The following CSRNP2 variants were observed in gnomAD, a reference collection of about 807,000 sequenced individuals.
CSRNP2 encodes the protein cysteine/serine-rich nuclear protein 2.
A neutral mutation model predicts 36.6 loss-of-function variants in CSRNP2; 11 were observed. The ratio of observed to expected loss-of-function variants is 0.30; its 90% CI spans 0.19 to 0.50. CSRNP2 has a LOEUF of 0.50. Ranked by LOEUF, CSRNP2 falls within the 20% of genes least tolerant of loss-of-function variation. The probability of loss-of-function intolerance (pLI) is 0.98; values close to 1 mark genes in which losing one functional copy is unlikely to be tolerated. For synonymous variants in CSRNP2, 248 were observed against 275.3 expected, an observed-to-expected ratio of 0.90 and a Z score of 0.98; for missense variants, 483 against 691.4, an observed-to-expected ratio of 0.70 and a Z score of 3.38.
chr12:51,080,222 A>G (rs1216475944), intron 1 of CSRNP2, among the ~76,000 whole-genome samples: 1 of 151,214 alleles, frequency 6.6e-6, no homozygotes, highest in African/African-American at 2.4e-5. Context: ...TTATGACTGG[A>G]AGTAACTGTC....
chr12:51,075,309 G>A (rs532722242), intron 2 of CSRNP2, among the ~76,000 whole-genome samples: 3 of 151,874 alleles, frequency 2.0e-5, no homozygotes, highest in African/African-American at 4.8e-5. Context: ...ACGAGGTTTC[G>A]CCATGTTGCC....
chr12:51,081,777 C>G (rs1939650698), intron 1 of CSRNP2, among the ~76,000 whole-genome samples: 1 of 151,712 alleles, frequency 6.6e-6, no homozygotes, highest in South Asian at 2.1e-4. Context: ...AGTACTAGAT[C>G]TAAGTTTTTT....
In CSRNP2 at chr12:51,081,483, G is replaced by C. The variant is rs572876183; in HGVS notation, c.-87+1856C>G. The C allele has an allele frequency of 2.0e-5, 3 of 152,260 alleles. No individual in the cohort carries two copies. In the East Asian group the frequency reaches 5.8e-4, roughly 29 times the overall value. 9.4% of individuals were successfully genotyped at this position (152,260 alleles called of 1,614,324 possible). On this transcript the variant is annotated intron_variant, in intron 1 of 4. Transcript: ENST00000228515. ...ATGCCTGTGTTCAAGAGATACACTT[G>C]TAAGTTTTAGCACCTAGGAATGCAG...
intron 2 of CSRNP2, among the ~76,000 whole-genome samples, chr12:51,074,988 C>T (rs1250207230): frequency 6.6e-6 from 1 of 152,148 alleles, no homozygotes; most frequent in Non-Finnish European, 1.5e-5. Context: ...TCACTTGAAC[C>T]TGGGAGACGG....
At chr12:51,077,960 G>T (rs1347018989) in intron 1 of CSRNP2, among the ~76,000 whole-genome samples, 2 of 152,156 alleles carry the variant, frequency 1.3e-5, no homozygotes, top group African/African-American at 4.8e-5. Context: ...GTTCCAGAAG[G>T]ACACGAATCT....
Position 51,061,526 on chromosome 12 carries a change from T to C in CSRNP2, c.*2220A>G, listed in dbSNP as rs1042342661. ...AGCACCAGAAGTGAGATGGACTAGG[T>C]TGTAGAGAAGGCCTTTCGCTTGACA... On this transcript the variant is annotated 3_prime_UTR_variant, in exon 5 of 5. Transcript: ENST00000228515. 1.3e-5 allele frequency: 2 copies of C among 152,632 alleles called. No homozygotes were observed. The highest frequency in any genetic ancestry group is 4.8e-5 in the African/African-American group (2 of 41,454). The allele number at this position is 152,632 out of a possible 1,614,324, so 9.5% of individuals were successfully genotyped here.
At position 51,076,515 on chromosome 12, in the gene CSRNP2, ACAT is replaced by A; in HGVS notation, c.44_46del (p.Asp15del). On this transcript the variant is annotated inframe_deletion, in exon 2 of 5. Transcript: ENST00000228515. ...GTTGGAAACTGATGAGCCCACATCC[ACAT>A]CATCAAACTTCCTCTTGAGACCCGA... The A allele has an allele frequency of 6.2e-7, 1 of 1,614,124 alleles. No homozygotes were observed.
chr12:51,068,186 C>T (rs547030705), intron 3 of CSRNP2, among the ~76,000 whole-genome samples: 27 of 152,316 alleles, frequency 1.8e-4, no homozygotes, highest in Non-Finnish European at 3.8e-4. Context: ...AGACAAAAGT[C>T]TCATTCTGTC....
At chr12:51,065,617 C>T (rs1938113360) in intron 4 of CSRNP2, among the ~76,000 whole-genome samples, 1 of 152,002 alleles carries the variant, frequency 6.6e-6, no homozygotes, top group African/African-American at 2.4e-5. Context: ...GCCACCGCGC[C>T]CGGCCCTAAT....
At chr12:51,072,967 A>G (rs1382716050) in intron 3 of CSRNP2, among the ~76,000 whole-genome samples, 1 of 152,094 alleles carries the variant, frequency 6.6e-6, no homozygotes, top group Non-Finnish European at 1.5e-5. Flanking sequence ...CATGCCTGTA[A>G]TCCCAGCACT....
At chr12:51,072,443 G>A (rs1185214631) in intron 3 of CSRNP2, among the ~76,000 whole-genome samples, 2 of 151,462 alleles carry the variant, frequency 1.3e-5, no homozygotes, top group East Asian at 1.9e-4. Context: ...GGCACCTGTA[G>A]TCCCAGCTAT....
intron 1 of CSRNP2, among the ~76,000 whole-genome samples, chr12:51,080,948 A>G (rs1354567460): frequency 6.6e-6 from 1 of 152,158 alleles, no homozygotes; most frequent in South Asian, 2.1e-4. Flanking sequence ...TGAGGCCAGG[A>G]GTGCAAAACC....
At position 51,063,451 on chromosome 12, in the gene CSRNP2, C is replaced by T. The variant is rs17229232; in HGVS notation, c.*295G>A. 0.051 allele frequency: 10,873 copies of T among 213,164 alleles called. 379 individuals are homozygous for T. Among genetic ancestry groups the T allele is most frequent in the South Asian group, 0.1 (641 of 6,376 alleles). 13.2% of individuals were successfully genotyped at this position (213,164 alleles called of 1,614,324 possible). A position where few individuals can be genotyped will look rare whatever the true frequency, so the allele number is the denominator to read the frequency against. On this transcript the variant is annotated 3_prime_UTR_variant, in exon 5 of 5. Transcript: ENST00000228515. ...AGAAAGAATAGCTGCTTGAGTTACC[C>T]AGCTTTTCCTGTGAGATCCTAGTTC...
In CSRNP2 at chr12:51,064,004, T is replaced by C. The variant is rs754050144; in HGVS notation, c.1374A>G (p.Ser458=). 6 of 1,613,962 alleles carry C rather than the reference T, an allele frequency of 3.7e-6. No homozygotes were observed. The highest frequency in any genetic ancestry group is 3.3e-5 in the Admixed American group (2 of 59,996). ...GGTCTGTGGAGCTACAAGCCACGAG[T>C]GAGGTAACAGGGAGAGAGAAGACAT... is the stretch of plus-strand genomic sequence containing the variant. ...DLNVFSLPVT[S]LVACSSTDPA... is the part of the protein sequence containing the mutation. The change falls in exon 5 of 5, where the codon TCA becomes TCG. Residue 458 remains serine, a synonymous_variant. Coordinates refer to ENST00000228515, the MANE Select transcript of CSRNP2 (RefSeq NM_030809.3).
Position 51,063,984 on chromosome 12 carries a change from G to C in CSRNP2, c.1394C>G (p.Thr465Arg). ...PVTSLVACSS[T>R]DPAALCKSEV... is the part of the protein sequence containing the mutation. The stretch of plus-strand genomic sequence containing the variant: ...TGATTTACAGAGGGCAGCTGGGTCT[G>C]TGGAGCTACAAGCCACGAGTGAGGT... Residue 465 changes from threonine (T) to arginine (R), a missense_variant, in exon 5 of 5, where the codon ACA becomes AGA. Physicochemically the swap from Thr to Arg is moderately conservative, Grantham distance 71. Around this residue, in one of 2 missense-constraint regions of CSRNP2, gnomAD observed 277 missense variants for 323.6 expected, o/e 0.86. Coordinates refer to ENST00000228515, the MANE Select transcript of CSRNP2 (RefSeq NM_030809.3). 6.2e-7 allele frequency: 1 copy of C among 1,614,016 alleles called. No homozygotes were observed.
chr12:51,063,851 G>C lies in CSRNP2; in HGVS notation c.1527C>G (p.Pro509=). ...AGCCCTCTTCATTGTCCGTGCGGAAGGGGAGGCTTGAGGGGGACCAGGAAG... is the reference window on the plus strand; with the variant it reads ...AGCCCTCTTCATTGTCCGTGCGGAACGGGAGGCTTGAGGGGGACCAGGAAG... ...FHPSWSPSSL[P]FRTDNEEGCG... The change falls in exon 5 of 5, where the codon CCC becomes CCG. Residue 509 remains proline, a synonymous_variant. Coordinates refer to ENST00000228515, the MANE Select transcript of CSRNP2 (RefSeq NM_030809.3). The C allele has an allele frequency of 6.2e-7, 1 of 1,614,074 alleles. No homozygotes were observed.
At chr12:51,071,359 G>A (rs1167060342) in intron 3 of CSRNP2, among the ~76,000 whole-genome samples, 1 of 151,766 alleles carries the variant, frequency 6.6e-6, no homozygotes, top group Non-Finnish European at 1.5e-5. Context: ...GATCGCTTGA[G>A]GATTGCCTCT....
chr12:51,064,912 A>G (rs915513276), intron 4 of CSRNP2, among the ~76,000 whole-genome samples: 4 of 152,232 alleles, frequency 2.6e-5, no homozygotes, highest in African/African-American at 7.2e-5. Flanking sequence ...AGAATCATTT[A>G]TCTCTCTAGG....
intron 4 of CSRNP2, among the ~76,000 whole-genome samples, chr12:51,065,473 T>C (rs908286989): frequency 7.9e-5 from 12 of 152,206 alleles, no homozygotes; most frequent in African/African-American, 2.9e-4. Flanking sequence ...TACTGACTTA[T>C]AGAAATCTCC....
Sources: gnomAD v4.1 joint callset for allele counts (sites outside exome capture counted in the v4.1 genomes callset) on GRCh38, gnomAD v4.1.1 for gene constraint, gnomAD v4.1.1 regional missense constraint, MANE v1.5 for transcripts, NCBI Gene and HGNC (gene_info 2026-07-23, HGNC 2026-07-21) for gene names.